The following GPC5 variants were observed in gnomAD, a reference collection of about 807,000 sequenced individuals.
GPC5 encodes the protein glypican-5.
In GPC5, 47 loss-of-function variants were observed where a neutral mutation model predicts 53.9. The ratio of observed to expected loss-of-function variants is 0.87; its 90% CI spans 0.69 to 1.11. GPC5 has a LOEUF of 1.11. Ranked by LOEUF, GPC5 falls within the 50% of genes most tolerant of loss-of-function variation. The pLI is 0.00. For missense variants in GPC5, 748 were observed against 713.1 expected (o/e 1.05, Z -0.56); for synonymous variants, 286 against 263.3 (o/e 1.09, Z -0.84).
At chr13:92,523,971 C>T (rs1169002186) in intron 7 of GPC5, among the ~76,000 whole-genome samples, 1 of 151,996 alleles carries the variant, frequency 6.6e-6, no homozygotes, top group Admixed American at 6.6e-5. Context: ...GAGCCTTCAG[C>T]GAGTTGTAAT....
chr13:91,418,119 A>G (rs1878363729), intron 1 of GPC5, among the ~76,000 whole-genome samples: 1 of 152,122 alleles, frequency 6.6e-6, no homozygotes, highest in South Asian at 2.1e-4. Flanking sequence ...CCCATCAGTC[A>G]TTTAGTAGTC....
intron 2 of GPC5, among the ~76,000 whole-genome samples, chr13:91,602,792 G>C (rs1277906808): frequency 6.6e-6 from 1 of 152,140 alleles, no homozygotes; most frequent in Non-Finnish European, 1.5e-5. Flanking sequence ...CGTAGTTCAA[G>C]AAATCACCCT....
intron 6 of GPC5, among the ~76,000 whole-genome samples, chr13:92,021,774 A>C (rs968696056): frequency 3.9e-5 from 6 of 152,192 alleles, no homozygotes; most frequent in African/African-American, 1.4e-4. Context: ...GTATAAATCC[A>C]TATAAACAGA....
intron 7 of GPC5, among the ~76,000 whole-genome samples, chr13:92,243,518 A>T (rs2042628839): frequency 6.6e-6 from 1 of 152,050 alleles, no homozygotes; most frequent in Non-Finnish European, 1.5e-5. Context: ...TAGATATGAG[A>T]CTCATCTTAA....
At chr13:92,777,493 T>C (rs1875861062) in intron 7 of GPC5, among the ~76,000 whole-genome samples, 1 of 151,208 alleles carries the variant, frequency 6.6e-6, no homozygotes, top group Non-Finnish European at 1.5e-5. Context: ...ATTAGCTGGG[T>C]GGCACCCGCC....
intron 5 of GPC5, among the ~76,000 whole-genome samples, chr13:91,760,623 T>C (rs1349926215): frequency 1.3e-5 from 2 of 152,144 alleles, no homozygotes; most frequent in African/African-American, 2.4e-5. Flanking sequence ...AGCAATTATT[T>C]TGGCAAGATT....
chr13:92,052,889 T>G (rs1445358995), intron 6 of GPC5, among the ~76,000 whole-genome samples: 1 of 152,110 alleles, frequency 6.6e-6, no homozygotes, highest in Non-Finnish European at 1.5e-5. Flanking sequence ...AAGAGCCCTG[T>G]AGGAACCCTC....
At chr13:91,740,509 A>G (rs553237438) in intron 4 of GPC5, among the ~76,000 whole-genome samples, 24 of 152,186 alleles carry the variant, frequency 1.6e-4, no homozygotes, top group African/African-American at 5.3e-4. Flanking sequence ...GAGCTAAACC[A>G]TAGAGTTGGA....
chr13:92,712,372 A>G (rs915747003), intron 7 of GPC5, among the ~76,000 whole-genome samples: 8 of 151,994 alleles, frequency 5.3e-5, no homozygotes, highest in Non-Finnish European at 7.4e-5. Context: ...AAATTAAAAT[A>G]AATTTCATTT....
chr13:92,509,931 C>A (rs1880505304), intron 7 of GPC5: 1 of 152,108 alleles, frequency 6.6e-6, no homozygotes, highest in Non-Finnish European at 1.5e-5. Context: ...AACATGCAAT[C>A]ACATTTTACT....
chr13:92,300,342 C>T (rs1005904178), intron 7 of GPC5, among the ~76,000 whole-genome samples: 1 of 152,136 alleles, frequency 6.6e-6, no homozygotes, highest in Non-Finnish European at 1.5e-5. Context: ...CAGTGGTTCT[C>T]AAACTTTAGC....
At chr13:92,294,844 T>C (rs1473136257) in intron 7 of GPC5, among the ~76,000 whole-genome samples, 17 of 119,856 alleles carry the variant, frequency 1.4e-4, no homozygotes, top group South Asian at 2.8e-4. Context: ...TTTTTTTTTT[T>C]CCGAGATGGA....
Position 91,763,904 on chromosome 13 carries a change from G to A in GPC5, c.1280+7484G>A, listed in dbSNP as rs144208141. Among the ~76,000 whole-genome samples, 700 of 152,236 alleles carry A rather than the reference G, an allele frequency of 4.6e-3. 7 individuals are homozygous for A. The highest frequency in any genetic ancestry group is 0.016 in the African/African-American group (669 of 41,532). ...AGCTATAAAATGGGGTAGTATTTGCGTATAACCGATGCACATCCTCCTGTT... is the reference window on the plus strand; with the variant it reads ...AGCTATAAAATGGGGTAGTATTTGCATATAACCGATGCACATCCTCCTGTT... On this transcript the variant is annotated intron_variant, in intron 5 of 7. Coordinates refer to ENST00000377067, the MANE Select transcript of GPC5 (RefSeq NM_004466.6).
At chr13:91,671,320 CAT>C (rs1450715278) in intron 2 of GPC5, among the ~76,000 whole-genome samples, 2 of 152,086 alleles carry the variant, frequency 1.3e-5, no homozygotes, top group African/African-American at 4.8e-5. Context: ...AGAGCTGCAA[CAT>C]ATTGAATCAA....
intron 7 of GPC5, among the ~76,000 whole-genome samples, chr13:92,429,003 G>T (rs978720511): frequency 2.6e-5 from 4 of 151,794 alleles, no homozygotes; most frequent in Non-Finnish European, 5.9e-5. Context: ...GCTAGCTTTG[G>T]GGGGACAAAA....
intron 5 of GPC5, among the ~76,000 whole-genome samples, chr13:91,807,551 C>T (rs905468083): frequency 1.3e-5 from 2 of 152,110 alleles, no homozygotes; most frequent in Non-Finnish European, 2.9e-5. Context: ...CTTATTTTTA[C>T]CTCTGATTGC....
chr13:92,794,467 C>G (rs778277654), intron 7 of GPC5, among the ~76,000 whole-genome samples: 5 of 152,122 alleles, frequency 3.3e-5, no homozygotes, highest in Non-Finnish European at 7.4e-5. Context: ...CCTTTGAAAT[C>G]CAGCATAAGA....
chr13:91,675,200 G>A (rs548918251), intron 2 of GPC5, among the ~76,000 whole-genome samples: 16 of 151,092 alleles, frequency 1.1e-4, no homozygotes, highest in African/African-American at 3.6e-4. Context: ...GATGAAAATG[G>A]TAGAAAAGAC....
intron 7 of GPC5, among the ~76,000 whole-genome samples, chr13:92,566,869 A>G (rs1882879836): frequency 6.6e-6 from 1 of 152,096 alleles, no homozygotes; most frequent in Non-Finnish European, 1.5e-5. Context: ...AATTTGTCAA[A>G]CTTATTCTAT....
Sources: allele counts gnomAD v4.1 joint callset (sites outside exome capture counted in the v4.1 genomes callset), GRCh38; gene constraint gnomAD v4.1.1; transcripts MANE v1.5; gene names NCBI Gene and HGNC (gene_info 2026-07-23, HGNC 2026-07-21).